Variants in SLC22A7 observed in about 807,000 individuals in gnomAD.
The protein encoded by SLC22A7 is solute carrier family 22 member 7.
In SLC22A7, 48 loss-of-function variants were observed where a neutral mutation model predicts 62.2. The ratio of observed to expected loss-of-function variants is 0.77; its 90% confidence interval spans 0.61 to 0.98. The LOEUF (loss-of-function observed/expected upper bound fraction) is 0.98, where lower values mean the gene tolerates loss of function less well. Among genes scored for constraint, SLC22A7 ranks in the 50% least tolerant of loss-of-function variants. The probability of loss-of-function intolerance (pLI) is 0.00; values close to 1 mark genes in which losing one functional copy is unlikely to be tolerated. For synonymous variants in SLC22A7, 276 were observed against 314.8 expected (o/e 0.88, Z 1.30); for missense variants, 581 against 703.8 (o/e 0.83, Z 1.97).
At chr6:43,303,912 G>C (rs1009512278) in intron 9 of SLC22A7, 126 bp from the exon 10 acceptor site, 8 of 782,814 alleles carry the variant, frequency 1.0e-5, no homozygotes, top group Non-Finnish European at 1.5e-5. Flanking sequence ...AGAAGTCCTA[G>C]TTTTCTTAGC....
At chr6:43,301,332 CCA>C (rs1778738066) in intron 6 of SLC22A7, 74 bp downstream of exon 6, 2 of 1,587,922 alleles carry the variant, frequency 1.3e-6, no homozygotes, top group East Asian at 4.5e-5. Flanking sequence ...TGCCTCCCTC[CCA>C]GAGCCCACCA....
Position 43,302,594 on chromosome 6 carries a change from TC to T in SLC22A7, c.1277-59del. On this transcript the variant is annotated intron_variant, in intron 8 of 10. Coordinates refer to ENST00000372585, the MANE Select transcript of SLC22A7 (RefSeq NM_153320.2). This position sits in a 1 kb window ranked among gnomAD's most constrained non-coding sequence, Gnocchi z 5.0. ...CCCACTCTGGAGACTCCGCACCCTA[TC>T]CAGAACACCCCTGGCTCTCCTCCAA... 1 of 1,356,766 alleles carries T rather than the reference TC, an allele frequency of 7.4e-7. No individual in the cohort carries two copies. The highest frequency in any genetic ancestry group is 1.0e-6 in the Non-Finnish European group (1 of 969,216). The allele number at this position is 1,356,766 out of a possible 1,614,324, so 84.0% of individuals were successfully genotyped here. A position where few individuals can be genotyped will look rare whatever the true frequency, so the allele number is the denominator to read the frequency against.
In SLC22A7 at chr6:43,302,532, AC is replaced by A; in HGVS notation, c.1277-120del. ...ACTCCTCCCCCAGATCCCTGCTCTT[AC>A]CCAGTGAGCTCAGACTCTCCACCAC... On this transcript the variant is annotated intron_variant, in intron 8 of 10. Transcript: ENST00000372585. The surrounding 1 kb of genome is among the most constrained non-coding windows in gnomAD (Gnocchi z 5.0). 3 of 1,186,606 alleles carry A rather than the reference AC, an allele frequency of 2.5e-6. No individual in the cohort carries two copies. Among genetic ancestry groups the A allele is most frequent in the East Asian group, 2.6e-5 (1 of 38,836 alleles). The allele number at this position is 1,186,606 out of a possible 1,614,324, so 73.5% of individuals were successfully genotyped here.
At chr6:43,297,312 C>G (rs766186284), upstream of SLC22A7, among the ~76,000 whole-genome samples, 5 of 152,176 alleles carry the variant, frequency 3.3e-5, no homozygotes, top group Non-Finnish European at 7.3e-5. Context: ...AGGTCCCCTC[C>G]CTGTCTTTAG....
In SLC22A7 at chr6:43,299,336, C is replaced by T; in HGVS notation, c.400-54C>T. 2 of 1,611,206 alleles carry T rather than the reference C, an allele frequency of 1.2e-6. No homozygotes were observed. Among genetic ancestry groups the T allele is most frequent in the Admixed American group, 1.7e-5 (1 of 59,616 alleles). On this transcript the variant is annotated intron_variant, in intron 2 of 10. Transcript: ENST00000372585. This position sits in a 1 kb window ranked among gnomAD's most constrained non-coding sequence, Gnocchi z 4.4. ...GGGTCTGGAGAGGAGGAGCTGGTGC[C>T]TGCTGGAGAGGGGCTGATGTTCATA...
rs1562117179 is a variant in SLC22A7 at position 43,304,196 on chromosome 6, CG to C, written c.1545del (p.Arg516GlyfsTer28). On this transcript the variant is annotated frameshift_variant, in exon 10 of 11. Transcript: ENST00000372585. LOFTEE classifies it high-confidence loss of function. ...AAGTALLLPE[T>X]RQAQLPETIQ... The stretch of plus-strand genomic sequence containing the variant: ...GGCACCGCCCTCCTGCTGCCAGAGA[CG>C]AGGCAGGCACAGCTGCCAGAGACCA... The C allele has an allele frequency of 1.3e-6, 2 of 1,590,800 alleles. No individual in the cohort carries two copies. The highest frequency in any genetic ancestry group is 8.6e-7 in the Non-Finnish European group (1 of 1,166,884).
Position 43,298,382 on chromosome 6 carries a change from G to A in SLC22A7, c.24G>A (p.Glu8=), listed in dbSNP as rs760568095. Reference sequence around the variant, plus strand: ...GCATGGGCTTTGAGGAGCTGCTGGAGCAGGTGGGCGGCTTTGGGCCCTTCC... The same window carrying A: ...GCATGGGCTTTGAGGAGCTGCTGGAACAGGTGGGCGGCTTTGGGCCCTTCC... The part of the protein sequence containing the change: MGFEELL[E]QVGGFGPFQL... Residue 8 remains glutamate (E), a synonymous_variant, in exon 1 of 11, where the codon GAG becomes GAA. Transcript: ENST00000372585. The A allele has an allele frequency of 3.7e-6, 6 of 1,612,892 alleles. No individual in the cohort carries two copies. The South Asian group carries it at 5.5e-5, about 15-fold the overall frequency.
chr6:43,304,281 A>G (rs1054772630), intron 10 of SLC22A7, 37 bp downstream of exon 10: 1 of 1,445,394 alleles, frequency 6.9e-7, no homozygotes, highest in East Asian at 2.5e-5. Context: ...ACGTGTGATA[A>G]CATGCATATG....
Position 43,302,389 on chromosome 6 carries a change from C to G in SLC22A7, c.1251C>G (p.Phe417Leu), listed in dbSNP as rs767970712. 4.9e-5 allele frequency: 78 copies of G among 1,603,946 alleles called. No individual in the cohort carries two copies. The highest frequency in any genetic ancestry group is 6.5e-5 in the Non-Finnish European group (77 of 1,176,392). ...CACTGCTGGGCACGGCCCTGGCGTTCGGCACTAGACTGCTAGTGTCCTCCG... is the reference window on the plus strand; with the variant it reads ...CACTGCTGGGCACGGCCCTGGCGTTGGGCACTAGACTGCTAGTGTCCTCCG... ...AGTLLGTALA[F>L]GTRLLVSSDM... is the part of the protein sequence containing the mutation. Residue 417 changes from phenylalanine (F) to leucine (L), a missense_variant, in exon 8 of 11, where the codon TTC becomes TTG. Coordinates refer to ENST00000372585, the MANE Select transcript of SLC22A7 (RefSeq NM_153320.2). This position sits in a 1 kb window ranked among gnomAD's most constrained non-coding sequence, Gnocchi z 5.0.
Position 43,304,906 on chromosome 6 carries a change from TC to T in SLC22A7, c.*184del. 1 of 474,312 alleles carries T rather than the reference TC, an allele frequency of 2.1e-6. No homozygotes were observed. Among genetic ancestry groups the T allele is most frequent in the Non-Finnish European group, 3.7e-6 (1 of 269,018 alleles). The allele number at this position is 474,312 out of a possible 1,614,324, so 29.4% of individuals were successfully genotyped here. A position where few individuals can be genotyped will look rare whatever the true frequency, so the allele number is the denominator to read the frequency against. Reference sequence around the variant, plus strand: ...ATTTGGCTTCTAGGAACAGTTGACTTCCCAGAATGCAGTGGGCTGCTGGGCA... The same window carrying T: ...ATTTGGCTTCTAGGAACAGTTGACTTCCAGAATGCAGTGGGCTGCTGGGCA... On this transcript the variant is annotated 3_prime_UTR_variant, in exon 11 of 11. Coordinates refer to ENST00000372585, the MANE Select transcript of SLC22A7 (RefSeq NM_153320.2).
At chr6:43,301,774 C>T in intron 7 of SLC22A7, 82 bp downstream of exon 7, 1 of 957,934 alleles carries the variant, frequency 1.0e-6, no homozygotes. Flanking sequence ...GTGAGAAGGG[C>T]TCTGAGGGAC....
intron 7 of SLC22A7, among the ~76,000 whole-genome samples, chr6:43,301,896 C>T (rs1427188696): frequency 2.0e-5 from 3 of 152,064 alleles, no homozygotes; most frequent in South Asian, 2.1e-4. Flanking sequence ...GCTCAGACTC[C>T]CACTTCCTTA....
At chr6:43,301,511 G>T in intron 6 of SLC22A7, 72 bp from the exon 7 acceptor site, 2 of 1,238,690 alleles carry the variant, frequency 1.6e-6, no homozygotes, top group Non-Finnish European at 2.4e-6. Flanking sequence ...GAGGGGTGGG[G>T]GGAGAGTACT....
chr6:43,303,905 A>G (rs1778848013), intron 9 of SLC22A7, 133 bp from the exon 10 acceptor site: 3 of 705,756 alleles, frequency 4.3e-6, no homozygotes, highest in Non-Finnish European at 6.5e-6. Flanking sequence ...AACTGAAAGA[A>G]GTCCTAGTTT....
upstream of SLC22A7, among the ~76,000 whole-genome samples, chr6:43,296,661 C>T (rs1306100969): frequency 6.6e-6 from 1 of 152,070 alleles, no homozygotes; most frequent in African/African-American, 2.4e-5. Flanking sequence ...TCCAAGGGAC[C>T]ACACTAGGGT....
chr6:43,300,131 C>A, intron 5 of SLC22A7, 65 bp downstream of exon 5: 1 of 1,536,208 alleles, frequency 6.5e-7, no homozygotes, highest in Non-Finnish European at 8.9e-7. Flanking sequence ...TAATCAGAGC[C>A]TGAGATTTGA....
intron 9 of SLC22A7, chr6:43,303,234 G>A (rs1778816810): frequency 3.3e-5 from 28 of 854,832 alleles, no homozygotes; most frequent in Non-Finnish European, 3.9e-5. Flanking sequence ...GCCAAGGCGG[G>A]CGGATCACTG....
rs765255914 is a variant in SLC22A7, at chr6:43,299,243, A to G, written c.399+146A>G. 6.2e-7 allele frequency: 1 copy of G among 1,609,736 alleles called. No homozygotes were observed. Among genetic ancestry groups the G allele is most frequent in the South Asian group, 1.1e-5 (1 of 90,506 alleles). On this transcript the variant is annotated intron_variant, in intron 2 of 10. Coordinates refer to ENST00000372585, the MANE Select transcript of SLC22A7 (RefSeq NM_153320.2). This position sits in a 1 kb window ranked among gnomAD's most constrained non-coding sequence, Gnocchi z 4.4. ...GTTTCCTATTCCCCAAGCTGGCGTG[A>G]ATCGTTGGGAGGTTTATTATCTGGC... is the stretch of plus-strand genomic sequence containing the variant.
chr6:43,304,004 C>A, intron 9 of SLC22A7, 34 bp from the exon 10 acceptor site: 1 of 1,475,122 alleles, frequency 6.8e-7, no homozygotes, highest in Non-Finnish European at 9.1e-7. Context: ...GGTGTGAACA[C>A]CATCTGCCTC....
Sources: allele counts gnomAD v4.1 joint callset (sites outside exome capture counted in the v4.1 genomes callset), GRCh38; gene constraint gnomAD v4.1.1; non-coding constraint Gnocchi (gnomAD v3.1); transcripts MANE v1.5; gene names NCBI Gene and HGNC (gene_info 2026-07-23, HGNC 2026-07-21).